MDFIC2: variants seen among roughly 807,000 people sequenced by gnomAD.
MDFIC2 encodes the protein MyoD family inhibitor domain containing 2, also known as myoD family inhibitor domain-containing protein 2.
chr3:70,253,411 T>TA (rs1294932924), intron 2 of MDFIC2, among the ~76,000 whole-genome samples: 1 of 152,164 alleles, frequency 6.6e-6, no homozygotes, highest in Non-Finnish European at 1.5e-5. Context: ...AGTTGTAGAA[T>TA]ACCAGAGCCT....
chr3:70,221,621 C>G (rs935515424), intron 2 of MDFIC2, among the ~76,000 whole-genome samples: 1 of 152,122 alleles, frequency 6.6e-6, no homozygotes, highest in East Asian at 1.9e-4. Flanking sequence ...TGTGCTGTCT[C>G]TAACCTGATT....
At chr3:70,267,999 C>T (rs988713283) in intron 2 of MDFIC2, among the ~76,000 whole-genome samples, 2 of 151,330 alleles carry the variant, frequency 1.3e-5, no homozygotes, top group East Asian at 3.9e-4. Context: ...TTTCACCTCC[C>T]CTTTCTCCTC....
intron 2 of MDFIC2, among the ~76,000 whole-genome samples, chr3:70,209,561 G>A (rs970569905): frequency 2.0e-5 from 3 of 152,098 alleles, no homozygotes; most frequent in African/African-American, 7.2e-5. Context: ...GGTAACCAAG[G>A]CTTACAGAGT....
chr3:70,236,490 C>A (rs1701610274), intron 2 of MDFIC2, among the ~76,000 whole-genome samples: 1 of 152,118 alleles, frequency 6.6e-6, no homozygotes, highest in South Asian at 2.1e-4. Context: ...ATGTGTAAGC[C>A]TTCATGTATT....
intron 2 of MDFIC2, among the ~76,000 whole-genome samples, chr3:70,238,939 C>T (rs891877998): frequency 9.2e-5 from 14 of 152,140 alleles, no homozygotes; most frequent in African/African-American, 3.1e-4. Context: ...TGATTAAATT[C>T]TCTAAATCTA....
At position 70,276,883 on chromosome 3, in the gene MDFIC2, A is replaced by G. The variant is rs1489409156; in HGVS notation, c.88+35003T>C. ...AATTAGATTGTAGTTTTGTCAAATT[A>G]CACTCCAGAAAGTTTATGTTCTCAA... On this transcript the variant is annotated intron_variant, in intron 2 of 3. Transcript: ENST00000567252. Among the ~76,000 whole-genome samples, 5 of 152,378 alleles carry G rather than the reference A, an allele frequency of 3.3e-5. No individual in the cohort carries two copies. The East Asian group carries it at 9.6e-4, about 29-fold the overall frequency.
chr3:70,240,609 G>A (rs1001140909), intron 2 of MDFIC2, among the ~76,000 whole-genome samples: 5 of 152,066 alleles, frequency 3.3e-5, no homozygotes, highest in African/African-American at 1.2e-4. Context: ...AAGAAAGTGT[G>A]AATTCTTTCA....
intron 2 of MDFIC2, among the ~76,000 whole-genome samples, chr3:70,304,900 T>A (rs1702385299): frequency 6.6e-6 from 1 of 152,198 alleles, no homozygotes; most frequent in Admixed American, 6.5e-5. Context: ...CCCTTTTTCG[T>A]CATTCCCTTT....
At chr3:70,312,463 C>G (rs1165894266) in intron 1 of MDFIC2, 88 bp downstream of exon 1, 1 of 152,328 alleles carries the variant, frequency 6.6e-6, no homozygotes, top group South Asian at 2.1e-4. Context: ...GTTGACGAGA[C>G]CTATTACGAA....
At chr3:70,215,258 C>T (rs879805957) in intron 2 of MDFIC2, among the ~76,000 whole-genome samples, 7 of 152,066 alleles carry the variant, frequency 4.6e-5, no homozygotes, top group Non-Finnish European at 1.0e-4. Flanking sequence ...AAGATTACCC[C>T]GCTGGTAAGG....
intron 2 of MDFIC2, among the ~76,000 whole-genome samples, chr3:70,254,066 G>A (rs549442678): frequency 1.3e-5 from 2 of 152,046 alleles, no homozygotes; most frequent in Non-Finnish European, 2.9e-5. Flanking sequence ...CAGTTATTTA[G>A]TAGGCATATT....
chr3:70,272,196 G>C (rs932757085), intron 2 of MDFIC2: 17 of 152,144 alleles, frequency 1.1e-4, no homozygotes, highest in Non-Finnish European at 8.8e-5. Context: ...AATGCATAGT[G>C]GGGGTTTGAC....
chr3:70,225,944 G>A (rs1701501971), intron 2 of MDFIC2, among the ~76,000 whole-genome samples: 3 of 152,086 alleles, frequency 2.0e-5, no homozygotes, highest in Admixed American at 6.6e-5. Flanking sequence ...GTGGTCTTTT[G>A]ATGATGCTTA....
At chr3:70,300,340 A>G (rs1305455367) in intron 2 of MDFIC2, among the ~76,000 whole-genome samples, 1 of 152,060 alleles carries the variant, frequency 6.6e-6, no homozygotes, top group East Asian at 1.9e-4. Flanking sequence ...CTCTTACAAC[A>G]TTATACAGAC....
chr3:70,274,984 T>C (rs1002029605), intron 2 of MDFIC2, among the ~76,000 whole-genome samples: 2 of 152,106 alleles, frequency 1.3e-5, no homozygotes, highest in Non-Finnish European at 2.9e-5. Flanking sequence ...TATTTATCTG[T>C]GAGAATGAAG....
chr3:70,203,034 C>T (rs1701257016), intron 3 of MDFIC2, among the ~76,000 whole-genome samples: 1 of 152,004 alleles, frequency 6.6e-6, no homozygotes, highest in Admixed American at 6.6e-5. Flanking sequence ...ATAAGAGCAC[C>T]CACAGAAGTT....
At chr3:70,296,789 G>T (rs1702293234) in intron 2 of MDFIC2, among the ~76,000 whole-genome samples, 1 of 151,974 alleles carries the variant, frequency 6.6e-6, no homozygotes, top group Non-Finnish European at 1.5e-5. Flanking sequence ...CTTCCAATCT[G>T]CTTTTTCTAC....
chr3:70,285,926 T>C (rs1000985301), intron 2 of MDFIC2, among the ~76,000 whole-genome samples: 2 of 151,304 alleles, frequency 1.3e-5, no homozygotes, highest in African/African-American at 4.9e-5. Flanking sequence ...TCTTGTAAAT[T>C]TGTTTGAGTT....
chr3:70,258,248 A>T (rs533422140), intron 2 of MDFIC2, among the ~76,000 whole-genome samples: 5 of 152,168 alleles, frequency 3.3e-5, no homozygotes, highest in Admixed American at 3.3e-4. Flanking sequence ...AATTTCTTAG[A>T]TCAGACACCA....
Sources: gnomAD v4.1 joint callset for allele counts (sites outside exome capture counted in the v4.1 genomes callset) on GRCh38, gnomAD v4.1.1 for gene constraint, MANE v1.5 for transcripts, NCBI Gene and HGNC (gene_info 2026-07-23, HGNC 2026-07-21) for gene names.